Variants in ERC2 observed in about 807,000 individuals in gnomAD.
ERC2 encodes the protein ERC protein 2.
In ERC2, 42 loss-of-function variants were observed where a neutral mutation model predicts 114.8. That is an observed-to-expected ratio of 0.37 (90% confidence interval 0.29 to 0.47). The LOEUF (loss-of-function observed/expected upper bound fraction) is 0.47. ERC2 is among the 20% of genes least tolerant of loss of function. The pLI is 0.99. For synonymous variants in ERC2, 454 were observed against 425.5 expected, an observed-to-expected ratio of 1.07 and a Z score of -0.82; for missense variants, 939 against 1,150.7, an observed-to-expected ratio of 0.82 and a Z score of 2.66.
chr3:56,260,098 C>T (rs1033024205), intron 3 of ERC2, among the ~76,000 whole-genome samples: 1 of 152,194 alleles, frequency 6.6e-6, no homozygotes, highest in African/African-American at 2.4e-5. Flanking sequence ...TCATACACTG[C>T]CCTGCCCCAC....
At chr3:55,732,988 C>T (rs2065351077) in intron 15 of ERC2, among the ~76,000 whole-genome samples, 2 of 152,168 alleles carry the variant, frequency 1.3e-5, no homozygotes. Context: ...GCTGACTGAC[C>T]TGAGACCTTT....
At chr3:56,467,890 A>G in intron 1 of ERC2, among the ~76,000 whole-genome samples, 1 of 151,846 alleles carries the variant, frequency 6.6e-6, no homozygotes, top group Non-Finnish European at 1.5e-5. Context: ...CGCCAGGCAG[A>G]AGAGGGGGAT....
At chr3:56,342,710 G>A (rs1473055297) in intron 2 of ERC2, among the ~76,000 whole-genome samples, 2 of 152,096 alleles carry the variant, frequency 1.3e-5, no homozygotes, top group Non-Finnish European at 2.9e-5. Flanking sequence ...AGGAGAGAGT[G>A]ATTACTCATT....
intron 3 of ERC2, among the ~76,000 whole-genome samples, chr3:56,214,810 C>T (rs28780379): frequency 0.029 from 4,439 of 152,260 alleles, 70 homozygotes; most frequent in Middle Eastern, 0.058. Context: ...AGAAACTCTA[C>T]GAGCCAGAAG....
intron 14 of ERC2, among the ~76,000 whole-genome samples, chr3:55,790,373 G>A (rs2069897899): frequency 6.6e-6 from 1 of 152,142 alleles, no homozygotes; most frequent in African/African-American, 2.4e-5. Flanking sequence ...CCACAATACA[G>A]TAATCATAGT....
At chr3:56,290,079 C>T (rs565251662) in intron 3 of ERC2, among the ~76,000 whole-genome samples, 1 of 152,174 alleles carries the variant, frequency 6.6e-6, no homozygotes, top group Admixed American at 6.5e-5. Flanking sequence ...CAGCATCCTC[C>T]ATAGGGATGC....
rs942373064 is a variant in ERC2, at chr3:55,906,288, C to T, written c.2404-17739G>A. 5.3e-5 allele frequency among the ~76,000 whole-genome samples: 8 copies of T among 151,666 alleles called. 1 individual carries two copies. Among genetic ancestry groups the T allele is most frequent in the Non-Finnish European group, 8.8e-5 (6 of 67,962 alleles). ...TCTACTAAAAATACAAAAAATTAGC[C>T]GGGCATGGTGGCAGGCGCCTGTAGT... On this transcript the variant is annotated intron_variant, in intron 13 of 17. Transcript: ENST00000288221.
intron 3 of ERC2, among the ~76,000 whole-genome samples, chr3:56,178,521 G>T (rs2083106055): frequency 6.6e-6 from 1 of 152,144 alleles, no homozygotes; most frequent in Non-Finnish European, 1.5e-5. Context: ...GCTTCCTAAA[G>T]GAAGGAGTGC....
chr3:55,799,450 C>CATATATATATATATATATAT (rs59209006), intron 14 of ERC2, among the ~76,000 whole-genome samples: 17 of 106,182 alleles, frequency 1.6e-4, no homozygotes, highest in South Asian at 6.8e-4. Context: ...TATATATATG[C>CATATATATATATATATATAT]ATATATATAT....
intron 6 of ERC2, among the ~76,000 whole-genome samples, chr3:56,107,071 G>A (rs1369421559): frequency 6.6e-6 from 1 of 151,968 alleles, no homozygotes; most frequent in Non-Finnish European, 1.5e-5. Context: ...TATGAACGAG[G>A]ATATGATACT....
At chr3:56,271,672 T>C (rs1405405512) in intron 3 of ERC2, among the ~76,000 whole-genome samples, 1 of 152,170 alleles carries the variant, frequency 6.6e-6, no homozygotes, top group Non-Finnish European at 1.5e-5. Flanking sequence ...AAATTGCATG[T>C]TGCAGGGGTT....
chr3:55,832,782 A>G (rs1364606651), intron 14 of ERC2, among the ~76,000 whole-genome samples: 1 of 152,230 alleles, frequency 6.6e-6, no homozygotes, highest in Non-Finnish European at 1.5e-5. Flanking sequence ...AGTTGAGAGA[A>G]GAAGGCCTCA....
At chr3:56,333,424 G>A (rs1005735653) in intron 2 of ERC2, among the ~76,000 whole-genome samples, 4 of 152,198 alleles carry the variant, frequency 2.6e-5, no homozygotes, top group Admixed American at 2.0e-4. Flanking sequence ...GGACTATGAA[G>A]CAGGGAATAA....
chr3:55,513,273 G>A (rs2052227871), intron 17 of ERC2, among the ~76,000 whole-genome samples: 3 of 152,212 alleles, frequency 2.0e-5, no homozygotes, highest in Admixed American at 2.0e-4. Context: ...TGGACTCCTG[G>A]CCATACTGGC....
intron 17 of ERC2, among the ~76,000 whole-genome samples, chr3:55,590,000 C>CA (rs1450319396): frequency 1.5e-4 from 22 of 151,404 alleles, no homozygotes; most frequent in African/African-American, 3.2e-4. Context: ...CTCACATTCT[C>CA]AAAAAAAACC....
intron 10 of ERC2, among the ~76,000 whole-genome samples, chr3:55,993,326 G>A (rs992380899): frequency 3.9e-5 from 6 of 152,104 alleles, no homozygotes; most frequent in Non-Finnish European, 8.8e-5. Context: ...TTTTTCTGCT[G>A]TCTTGCTACA....
At chr3:55,870,970 G>A (rs758914251) in intron 14 of ERC2, among the ~76,000 whole-genome samples, 6 of 152,092 alleles carry the variant, frequency 3.9e-5, no homozygotes, top group South Asian at 2.1e-4. Flanking sequence ...CAGCTGTTAC[G>A]GCATTTTGAA....
intron 17 of ERC2, among the ~76,000 whole-genome samples, chr3:55,592,596 G>A (rs906000368): frequency 6.6e-6 from 1 of 152,128 alleles, no homozygotes; most frequent in African/African-American, 2.4e-5. Flanking sequence ...TCTTTGTCTT[G>A]CCAGGTCCTC....
At chr3:56,218,875 A>T (rs1054498606) in intron 3 of ERC2, among the ~76,000 whole-genome samples, 2 of 152,166 alleles carry the variant, frequency 1.3e-5, no homozygotes, top group Non-Finnish European at 2.9e-5. Flanking sequence ...CATTCTCAGC[A>T]AACTATCGCA....
Sources: gnomAD v4.1 joint callset for allele counts (sites outside exome capture counted in the v4.1 genomes callset) on GRCh38, gnomAD v4.1.1 for gene constraint, MANE v1.5 for transcripts, NCBI Gene and HGNC (gene_info 2026-07-23, HGNC 2026-07-21) for gene names.